IL1RAPL1: variants seen among roughly 807,000 people sequenced by gnomAD.
IL1RAPL1 encodes interleukin-1 receptor accessory protein-like 1.
In IL1RAPL1, 3 loss-of-function variants were observed where a neutral mutation model predicts 48.4. The observed-to-expected ratio is 0.06, with a 90% CI of 0.03 to 0.16. The LOEUF is 0.16. Ranked by LOEUF, IL1RAPL1 falls within the 10% of genes least tolerant of loss-of-function variation. IL1RAPL1 has a pLI of 1.00. For missense variants in IL1RAPL1, 349 were observed against 530.6 expected (o/e 0.66, Z 3.36); for synonymous variants, 185 against 187.7 (o/e 0.99, Z 0.12).
intron 6 of IL1RAPL1, among the ~76,000 whole-genome samples, chrX:29,701,102 G>T (rs933560487): frequency 8.9e-6 from 1 of 111,817 alleles, no homozygotes; most frequent in African/African-American, 3.2e-5. Context: ...GTTAGAATAA[G>T]TTCAATGTTG....
chrX:29,573,992 G>C (rs140033293), intron 5 of IL1RAPL1, among the ~76,000 whole-genome samples: 4 of 110,954 alleles, frequency 3.6e-5, no homozygotes, highest in Non-Finnish European at 7.6e-5. Context: ...TTTGGAAGCT[G>C]TATTAGTCCA....
intron 2 of IL1RAPL1, among the ~76,000 whole-genome samples, chrX:29,219,887 A>T (rs1180121914): frequency 9.0e-6 from 1 of 110,942 alleles, no homozygotes; most frequent in Non-Finnish European, 1.9e-5. Context: ...GGTCTGGGTC[A>T]AAGAGCTTGA....
chrX:28,691,121 C>G (rs1935173798), intron 1 of IL1RAPL1, among the ~76,000 whole-genome samples: 1 of 110,980 alleles, frequency 9.0e-6, no homozygotes, highest in African/African-American at 3.3e-5. Context: ...TAACATAATC[C>G]TAGAAGACCT....
intron 6 of IL1RAPL1, among the ~76,000 whole-genome samples, chrX:29,799,232 G>C (rs1929820730): frequency 8.9e-6 from 1 of 112,349 alleles, no homozygotes; most frequent in African/African-American, 3.2e-5. Context: ...GTTTTATAAA[G>C]TGTAAAAGCA....
intron 5 of IL1RAPL1, among the ~76,000 whole-genome samples, chrX:29,449,892 TA>T (rs1934659122): frequency 1.2e-5 from 1 of 85,719 alleles, no homozygotes; most frequent in African/African-American, 4.5e-5. Context: ...TTGACTAAAA[TA>T]AAAAAAGAGG....
intron 6 of IL1RAPL1, among the ~76,000 whole-genome samples, chrX:29,909,610 A>T: frequency 8.9e-6 from 1 of 112,034 alleles, no homozygotes; most frequent in South Asian, 3.7e-4. Flanking sequence ...CTACAATAAA[A>T]ATTACAAAAC....
chrX:29,158,943 CCTCCCTCTCCCTCTCTCTCTCT>C (rs1569248670), intron 2 of IL1RAPL1, among the ~76,000 whole-genome samples: 7 of 54,295 alleles, frequency 1.3e-4, no homozygotes, highest in African/African-American at 5.5e-4. Flanking sequence ...CCCCCCCCTC[CCTCCCTCTCCCTCTCTCTCTCT>C]CTCTCTCTTT....
intron 5 of IL1RAPL1, among the ~76,000 whole-genome samples, chrX:29,625,028 A>C (rs1924576791): frequency 1.8e-5 from 2 of 111,941 alleles, no homozygotes; most frequent in African/African-American, 6.5e-5. Context: ...TGCTACTACT[A>C]TCTACTATCT....
At chrX:29,042,784 C>T (rs1015502411) in intron 2 of IL1RAPL1, among the ~76,000 whole-genome samples, 3 of 111,663 alleles carry the variant, frequency 2.7e-5, no homozygotes, top group Non-Finnish European at 5.7e-5. Context: ...TGGCTCTCTG[C>T]CTATGGAGCA....
chrX:29,937,132 T>C (rs1363558929), intron 8 of IL1RAPL1, among the ~76,000 whole-genome samples: 4 of 112,064 alleles, frequency 3.6e-5, no homozygotes, highest in African/African-American at 1.3e-4. Context: ...AATTTTGCTT[T>C]ACAATTTTCA....
chrX:29,433,098 C>A (rs1398320891), intron 5 of IL1RAPL1, among the ~76,000 whole-genome samples: 2 of 109,643 alleles, frequency 1.8e-5, no homozygotes, highest in Non-Finnish European at 3.8e-5. Flanking sequence ...TTTTGGGGTG[C>A]CATAAACCCT....
chrX:29,705,870 A>T (rs777635224), intron 6 of IL1RAPL1, among the ~76,000 whole-genome samples: 1 of 112,689 alleles, frequency 8.9e-6, no homozygotes, highest in Non-Finnish European at 1.9e-5. Context: ...CGAATAAACA[A>T]GTTAATGTAT....
chrX:28,929,260 TA>T (rs1923821517), intron 2 of IL1RAPL1, among the ~76,000 whole-genome samples: 1 of 112,238 alleles, frequency 8.9e-6, no homozygotes, highest in African/African-American at 3.2e-5. Context: ...ATTGTGTATC[TA>T]AACATTTCTT....
intron 5 of IL1RAPL1, among the ~76,000 whole-genome samples, chrX:29,448,672 C>T (rs1934639649): frequency 8.9e-6 from 1 of 111,943 alleles, no homozygotes; most frequent in Non-Finnish European, 1.9e-5. Flanking sequence ...GAATAGCTAG[C>T]ATTTATCCAG....
chrX:29,778,395 A>G (rs1172562407), intron 6 of IL1RAPL1, among the ~76,000 whole-genome samples: 1 of 111,234 alleles, frequency 9.0e-6, no homozygotes, highest in Non-Finnish European at 1.9e-5. Context: ...ACCTATTTCT[A>G]CCTGGATGAG....
At chrX:29,641,016 T>TA (rs1925148440) in intron 5 of IL1RAPL1, among the ~76,000 whole-genome samples, 2 of 108,191 alleles carry the variant, frequency 1.8e-5, no homozygotes, top group African/African-American at 6.9e-5. Context: ...AAAAAAAAAT[T>TA]AAAAATTAGC....
intron 2 of IL1RAPL1, among the ~76,000 whole-genome samples, chrX:29,074,362 G>A (rs772995908): frequency 1.8e-5 from 2 of 111,491 alleles, no homozygotes; most frequent in South Asian, 7.5e-4. Flanking sequence ...TGGGAGCATA[G>A]AGATGAGTCA....
chrX:28,972,529 G>A (rs1050610793), intron 2 of IL1RAPL1, among the ~76,000 whole-genome samples: 10 of 110,522 alleles, frequency 9.0e-5, no homozygotes, highest in East Asian at 2.9e-4. Context: ...ACAAGGTCAG[G>A]AGATCGAGAC....
At chrX:28,871,958 A>G (rs1037629225) in intron 2 of IL1RAPL1, among the ~76,000 whole-genome samples, 3 of 112,085 alleles carry the variant, frequency 2.7e-5, no homozygotes, top group African/African-American at 9.7e-5. Context: ...AGGTGATTAT[A>G]ATCTCTATTT....
Sources: gnomAD v4.1 joint callset for allele counts (sites outside exome capture counted in the v4.1 genomes callset) on GRCh38, gnomAD v4.1.1 for gene constraint, MANE v1.5 for transcripts, NCBI Gene and HGNC (gene_info 2026-07-23, HGNC 2026-07-21) for gene names.